MTERF4: variants seen among roughly 807,000 people sequenced by gnomAD.
MTERF4 encodes the protein transcription termination factor 4, mitochondrial.
In MTERF4, 17 loss-of-function variants were observed where a neutral mutation model predicts 22.5. The ratio of observed to expected loss-of-function variants is 0.75; its 90% CI spans 0.52 to 1.13. The LOEUF (loss-of-function observed/expected upper bound fraction) is 1.13, where lower values mean the gene tolerates loss of function less well. MTERF4 is among the 50% of genes most tolerant of loss of function. MTERF4 has a pLI of 0.00. For synonymous variants in MTERF4, 165 were observed against 175.3 expected, an observed-to-expected ratio of 0.94 and a Z score of 0.47; for missense variants, 420 against 466.8, an observed-to-expected ratio of 0.90 and a Z score of 0.92.
chr2:241,071,618 A>G, downstream of MTERF4: 1 of 1,586,586 alleles, frequency 6.3e-7, no homozygotes, highest in South Asian at 1.1e-5. Flanking sequence ...CAGGGAGGAC[A>G]CCACCCTCGG....
chr2:241,051,936 C>A, the MTERF4 span: 2 of 1,470,894 alleles, frequency 1.4e-6, no homozygotes, highest in Non-Finnish European at 1.9e-6. This position sits in a 1 kb window ranked among gnomAD's most constrained non-coding sequence, Gnocchi z 4.7. Context: ...TGCACCCTCC[C>A]TGCCAGCTGT....
downstream of MTERF4, chr2:241,070,245 C>G: frequency 1.3e-6 from 2 of 1,550,868 alleles, no homozygotes; most frequent in Non-Finnish European, 1.7e-6. Context: ...CAGTGTTTGC[C>G]AGCCCTCCAC....
the MTERF4 span, among the ~76,000 whole-genome samples, chr2:241,060,791 C>A: frequency 1.1e-4 from 16 of 152,080 alleles, no homozygotes; most frequent in Non-Finnish European, 1.9e-4. Flanking sequence ...ATTAACCAGG[C>A]GTAGTGGCAT....
At chr2:241,044,327 C>T in the MTERF4 span, among the ~76,000 whole-genome samples, 2 of 152,300 alleles carry the variant, frequency 1.3e-5, no homozygotes, top group East Asian at 3.9e-4. Context: ...AGTATAAAGA[C>T]ACAGGTAATT....
intron 4 of MTERF4, among the ~76,000 whole-genome samples, chr2:241,080,822 G>A (rs2063292294): frequency 6.6e-6 from 1 of 152,270 alleles, no homozygotes; most frequent in Non-Finnish European, 1.5e-5. Context: ...GGAGCAGGGT[G>A]GAGCCTTCAC....
the MTERF4 span, among the ~76,000 whole-genome samples, chr2:241,061,789 G>A: frequency 6.6e-6 from 1 of 151,216 alleles, no homozygotes; most frequent in Non-Finnish European, 1.5e-5. Flanking sequence ...GGAGGCGGAG[G>A]TTGTGGTGAG....
chr2:241,094,646 C>T, downstream of MTERF4: 1 of 330,402 alleles, frequency 3.0e-6, no homozygotes, highest in Non-Finnish European at 5.9e-6. The surrounding 1 kb of genome is among the most constrained non-coding windows in gnomAD (Gnocchi z 4.3). Flanking sequence ...GTGGACCAGG[C>T]CTTAGATGAG....
In MTERF4 at chr2:241,073,347, G is replaced by A; in HGVS notation, n.2815C>T. 1 of 1,572,424 alleles carries A rather than the reference G, an allele frequency of 6.4e-7. No homozygotes were observed. The highest frequency in any genetic ancestry group is 8.6e-7 in the Non-Finnish European group (1 of 1,160,008). ...CTGGCCCTCCAGCTCCCTGAACACG[G>A]CAGCAAGGACATCGGAAGTGAGTCA... On this transcript the variant is annotated non_coding_transcript_exon_variant, in exon 5 of 5. Coordinates refer to the MTERF4 transcript ENST00000464344. This position sits in a 1 kb window ranked among gnomAD's most constrained non-coding sequence, Gnocchi z 6.6.
At chr2:241,055,197 G>A in the MTERF4 span, among the ~76,000 whole-genome samples, 1 of 152,092 alleles carries the variant, frequency 6.6e-6, no homozygotes. Flanking sequence ...CCAAGAAGAA[G>A]AGAAAATGAA....
At chr2:241,091,675 G>A (rs16843241), downstream of MTERF4, 10,676 of 152,256 alleles carry the variant, frequency 0.07, 524 homozygotes, top group East Asian at 0.21. This position sits in a 1 kb window ranked among gnomAD's most constrained non-coding sequence, Gnocchi z 4.1. Flanking sequence ...CCAACCTCAC[G>A]AGTTTCTAAC....
At chr2:241,057,380 A>AATATATATATATATATATAT in the MTERF4 span, among the ~76,000 whole-genome samples, 411 of 117,972 alleles carry the variant, frequency 3.5e-3, 6 homozygotes, top group East Asian at 0.011. Flanking sequence ...TCCATCTCAA[A>AATATATATATATATATATAT]ATATATATAT....
the MTERF4 span, among the ~76,000 whole-genome samples, chr2:241,054,169 AC>A: frequency 6.6e-6 from 1 of 151,430 alleles, no homozygotes; most frequent in Admixed American, 6.6e-5. Flanking sequence ...CTTGGAGATG[AC>A]CCCCCCTCCC....
the MTERF4 span, chr2:241,052,448 TG>T: frequency 6.2e-7 from 1 of 1,610,166 alleles, no homozygotes; most frequent in Admixed American, 1.7e-5. Context: ...GCAGGGTACA[TG>T]GGACGCCGGT....
the MTERF4 span, chr2:241,064,929 G>T: frequency 6.3e-7 from 1 of 1,586,020 alleles, no homozygotes; most frequent in Non-Finnish European, 8.5e-7. This position sits in a 1 kb window ranked among gnomAD's most constrained non-coding sequence, Gnocchi z 7.0. Flanking sequence ...CCTGCAAAGT[G>T]GGCTACACGG....
chr2:241,050,406 C>G, the MTERF4 span, among the ~76,000 whole-genome samples: 1 of 152,220 alleles, frequency 6.6e-6, no homozygotes, highest in Non-Finnish European at 1.5e-5. Context: ...AAGCAACAGT[C>G]AGGACTCCCA....
downstream of MTERF4, chr2:241,094,316 A>G (rs1208214312): frequency 2.1e-6 from 1 of 470,182 alleles, no homozygotes; most frequent in Admixed American, 2.3e-5. The surrounding 1 kb of genome is among the most constrained non-coding windows in gnomAD (Gnocchi z 4.3). Context: ...TTCCACTGGC[A>G]AAGGACTGCC....
chr2:241,089,173 C>T, downstream of MTERF4: 1 of 891,162 alleles, frequency 1.1e-6, no homozygotes, highest in Non-Finnish European at 1.7e-6. Flanking sequence ...AACCTGTTAC[C>T]AGTTTCATAC....
chr2:241,073,799 G>A lies in MTERF4; in HGVS notation n.2363C>T, dbSNP rs1390759424. 1 of 286,738 alleles carries A rather than the reference G, an allele frequency of 3.5e-6. No individual in the cohort carries two copies. The highest frequency in any genetic ancestry group is 6.5e-6 in the Non-Finnish European group (1 of 153,012). 17.8% of individuals were successfully genotyped at this position (286,738 alleles called of 1,614,324 possible). On this transcript the variant is annotated non_coding_transcript_exon_variant, in exon 5 of 5. Transcript: ENST00000464344. This position sits in a 1 kb window ranked among gnomAD's most constrained non-coding sequence, Gnocchi z 6.6. ...GCGAGCCCCAGCTTGAGGACTAGCT[G>A]GGCCCTGTGGACACTCAGGTTATGC...
At chr2:241,087,241 T>C (rs1274546791), downstream of MTERF4, 6 of 626,236 alleles carry the variant, frequency 9.6e-6, no homozygotes, top group East Asian at 1.7e-4. Context: ...GACATTTTAA[T>C]ACATCAATAG....
Sources: allele counts gnomAD v4.1 joint callset (sites outside exome capture counted in the v4.1 genomes callset), GRCh38; gene constraint gnomAD v4.1.1; non-coding constraint Gnocchi (gnomAD v3.1); transcripts MANE v1.5; gene names NCBI Gene and HGNC (gene_info 2026-07-23, HGNC 2026-07-21).